Variants in PAN3 observed in about 807,000 individuals in gnomAD.
The protein encoded by PAN3 is PAN2-PAN3 deadenylation complex subunit PAN3.
A neutral mutation model predicts 96.2 loss-of-function variants in PAN3; 19 were observed. That is an observed-to-expected ratio of 0.20 (90% CI 0.14 to 0.29). The LOEUF is 0.29. Among genes scored for constraint, PAN3 ranks in the 10% least tolerant of loss-of-function variants. The pLI, the probability that PAN3 is intolerant of heterozygous loss-of-function variation, is 1.00. For synonymous variants in PAN3, 433 were observed against 406.6 expected (o/e 1.06, Z -0.78); for missense variants, 882 against 1,108.1 (o/e 0.80, Z 2.90).
chr13:28,250,283 C>T (rs529553899), intron 6 of PAN3, among the ~76,000 whole-genome samples: 2 of 152,114 alleles, frequency 1.3e-5, no homozygotes, highest in East Asian at 3.9e-4. Flanking sequence ...TACCATTTTC[C>T]TCCCTGGGCT....
intron 4 of PAN3, among the ~76,000 whole-genome samples, chr13:28,195,589 GC>G (rs1305648866): frequency 3.9e-5 from 6 of 152,270 alleles, no homozygotes; most frequent in African/African-American, 1.4e-4. Context: ...AGGCTGGAGT[GC>G]AGTGTCATGA....
At chr13:28,158,544 CAGA>C (rs1177420713) in intron 1 of PAN3, among the ~76,000 whole-genome samples, 1 of 152,182 alleles carries the variant, frequency 6.6e-6, no homozygotes, top group African/African-American at 2.4e-5. Context: ...AGACGCTTTT[CAGA>C]AGAAGACATA....
chr13:28,166,741 T>G (rs1002449829), intron 1 of PAN3, among the ~76,000 whole-genome samples: 1 of 152,234 alleles, frequency 6.6e-6, no homozygotes, highest in African/African-American at 2.4e-5. Flanking sequence ...GTTAGCACCA[T>G]GTAGGCATCA....
intron 5 of PAN3, among the ~76,000 whole-genome samples, chr13:28,209,405 T>A (rs1475185935): frequency 2.0e-5 from 3 of 152,256 alleles, no homozygotes; most frequent in Admixed American, 2.0e-4. Context: ...GAAACTATTT[T>A]ACATAAATAG....
At position 28,212,159 on chromosome 13, in the gene PAN3, ATCTATACATGGCCAGGAGTAGTTCCTGT is replaced by A. The variant is rs1315409819; in HGVS notation, c.853-8068_853-8041del. ...GAAGATCACAGTCAACAATTCTCAG[ATCTATACATGGCCAGGAGTAGTTCCTGT>A]TCTCACTGGCCAACGTGGAAAACTT... On this transcript the variant is annotated intron_variant, in intron 5 of 18. Coordinates refer to ENST00000380958, the MANE Select transcript of PAN3 (RefSeq NM_175854.8). Among the ~76,000 whole-genome samples, 3 of 152,244 alleles carry A rather than the reference ATCTATACATGGCCAGGAGTAGTTCCTGT, an allele frequency of 2.0e-5. No individual in the cohort carries two copies. The East Asian group carries it at 5.8e-4, about 29-fold the overall frequency.
rs374974387 is a variant in PAN3 at position 28,256,454 on chromosome 13, C to T, written c.1163C>T (p.Ser388Phe). The T allele has an allele frequency of 1.2e-6, 2 of 1,614,018 alleles. No individual in the cohort carries two copies. Among genetic ancestry groups the T allele is most frequent in the Non-Finnish European group, 1.7e-6 (2 of 1,179,912 alleles). The change falls in exon 7 of 19, where the codon TCT (serine) becomes TTT (phenylalanine). Residue 388 changes from serine (S) to phenylalanine (F), a missense_variant. Ser to Phe is a radical substitution (Grantham distance 155). Coordinates refer to ENST00000380958, the MANE Select transcript of PAN3 (RefSeq NM_175854.8). ...AATAATCCTGTTTCTCAGACTCCGT[C>T]TTCTGGTCAGGTGATCCAAAAGGAA... ...SVNNPVSQTP[S>F]SGQVIQKETV...
chr13:28,163,776 A>G (rs1873186188), intron 1 of PAN3, among the ~76,000 whole-genome samples: 1 of 152,206 alleles, frequency 6.6e-6, no homozygotes, highest in Non-Finnish European at 1.5e-5. Flanking sequence ...ATTCTTGTAA[A>G]GATCTTACAG....
At chr13:28,147,263 A>G (rs1353204357) in intron 1 of PAN3, among the ~76,000 whole-genome samples, 2 of 152,306 alleles carry the variant, frequency 1.3e-5, no homozygotes, top group East Asian at 1.9e-4. Flanking sequence ...TGAATTTACA[A>G]TTCATTTATC....
At chr13:28,141,668 T>C (rs924612514) in intron 1 of PAN3, among the ~76,000 whole-genome samples, 9 of 152,020 alleles carry the variant, frequency 5.9e-5, no homozygotes, top group African/African-American at 2.2e-4. Flanking sequence ...GGTTTCTCCA[T>C]GTTGGTCAGG....
intron 1 of PAN3, among the ~76,000 whole-genome samples, chr13:28,149,227 A>G (rs1447043107): frequency 2.6e-5 from 4 of 152,002 alleles, no homozygotes; most frequent in African/African-American, 7.2e-5. Flanking sequence ...TTGGTGGTGC[A>G]CCTGTAGTCC....
intron 1 of PAN3, among the ~76,000 whole-genome samples, chr13:28,168,846 G>A (rs1056653371): frequency 1.1e-4 from 17 of 151,706 alleles, no homozygotes; most frequent in African/African-American, 2.2e-4. Flanking sequence ...GTGAAACCCC[G>A]TCTCTATTAA....
intron 4 of PAN3, among the ~76,000 whole-genome samples, chr13:28,178,835 A>G (rs2138124392): frequency 6.6e-6 from 1 of 152,298 alleles, no homozygotes; most frequent in African/African-American, 2.4e-5. Context: ...GAAATTCAAG[A>G]AGACTGTGGT....
intron 3 of PAN3, among the ~76,000 whole-genome samples, chr13:28,176,858 A>C (rs1300921293): frequency 6.6e-6 from 1 of 151,960 alleles, no homozygotes; most frequent in East Asian, 1.9e-4. Context: ...AAAAAAAAAA[A>C]GAAAAGTGTA....
intron 7 of PAN3, among the ~76,000 whole-genome samples, chr13:28,258,303 T>C (rs896812420): frequency 2.0e-5 from 3 of 152,068 alleles, no homozygotes; most frequent in African/African-American, 7.2e-5. Flanking sequence ...AGAAAAAAGG[T>C]TTCATTGTTT....
intron 1 of PAN3, among the ~76,000 whole-genome samples, chr13:28,143,545 A>T (rs372037690): frequency 2.9e-4 from 44 of 152,336 alleles, no homozygotes; most frequent in African/African-American, 1.0e-3. Context: ...CATGTTTCAG[A>T]TAGAATCCTG....
intron 6 of PAN3, among the ~76,000 whole-genome samples, chr13:28,243,891 T>G (rs1423210157): frequency 1.3e-5 from 2 of 152,172 alleles, no homozygotes; most frequent in Non-Finnish European, 2.9e-5. Context: ...TTTCACCATG[T>G]TGGTCAGGCT....
At chr13:28,154,469 G>C (rs1193276392) in intron 1 of PAN3, among the ~76,000 whole-genome samples, 1 of 151,936 alleles carries the variant, frequency 6.6e-6, no homozygotes, top group African/African-American at 2.4e-5. Flanking sequence ...CAGTTTGCCA[G>C]ATAGACCTTG....
chr13:28,229,555 T>G (rs550638649), intron 6 of PAN3, among the ~76,000 whole-genome samples: 54 of 152,350 alleles, frequency 3.5e-4, no homozygotes, highest in Non-Finnish European at 5.3e-4. Flanking sequence ...TACTTAGATT[T>G]GTTATTCTTT....
chr13:28,169,222 CTTTTTTTTTT>C (rs202200725), intron 1 of PAN3, among the ~76,000 whole-genome samples: 42 of 74,980 alleles, frequency 5.6e-4, no homozygotes, highest in South Asian at 3.9e-3. Context: ...TTTTTGTTTG[CTTTTTTTTTT>C]TTTTTTTTTT....
Sources: allele counts gnomAD v4.1 joint callset (sites outside exome capture counted in the v4.1 genomes callset), GRCh38; gene constraint gnomAD v4.1.1; transcripts MANE v1.5; gene names NCBI Gene and HGNC (gene_info 2026-07-23, HGNC 2026-07-21).